ACSL1: variants seen among roughly 807,000 people sequenced by gnomAD.
The protein encoded by ACSL1 is acyl-CoA synthetase long chain family member 1.
ACSL1 carries 41 observed loss-of-function variants against 98.4 expected under a neutral mutation model. That is an observed-to-expected ratio of 0.42 (90% CI 0.32 to 0.54). The LOEUF is 0.54. Ranked by LOEUF, ACSL1 falls within the 20% of genes least tolerant of loss-of-function variation. The probability of loss-of-function intolerance (pLI) is 0.13; values close to 1 mark genes in which losing one functional copy is unlikely to be tolerated. For synonymous variants in ACSL1, 316 were observed against 322.7 expected, an observed-to-expected ratio of 0.98 and a Z score of 0.22; for missense variants, 734 against 883.1, an observed-to-expected ratio of 0.83 and a Z score of 2.14.
At chr4:184,767,977 G>T in intron 12 of ACSL1, 1 of 401,278 alleles carries the variant, frequency 2.5e-6, no homozygotes, top group Non-Finnish European at 4.4e-6. Context: ...AGCAACTTTT[G>T]GAGACAAACA....
chr4:184,818,944 C>G (rs1463483319), intron 1 of ACSL1, among the ~76,000 whole-genome samples: 2 of 152,056 alleles, frequency 1.3e-5, no homozygotes, highest in Non-Finnish European at 2.9e-5. Flanking sequence ...AGCAGCTATT[C>G]TCTAGCCAGG....
intron 7 of ACSL1, among the ~76,000 whole-genome samples, chr4:184,774,418 C>T (rs1285433041): frequency 2.0e-5 from 3 of 152,084 alleles, no homozygotes; most frequent in Admixed American, 6.5e-5. Context: ...TATCTCCCCT[C>T]GTAGAGTGGA....
chr4:184,816,121 A>G (rs376249041), intron 1 of ACSL1, among the ~76,000 whole-genome samples: 3 of 145,898 alleles, frequency 2.1e-5, no homozygotes, highest in African/African-American at 7.5e-5. Context: ...CATCCAAAAG[A>G]AAAAAAAAAA....
intron 1 of ACSL1, among the ~76,000 whole-genome samples, chr4:184,816,297 G>A (rs904318201): frequency 6.6e-6 from 1 of 152,132 alleles, no homozygotes; most frequent in South Asian, 2.1e-4. Flanking sequence ...TAGGGAAAAG[G>A]TTAACCAGGA....
At chr4:184,815,249 C>A (rs1772520390) in intron 1 of ACSL1, among the ~76,000 whole-genome samples, 1 of 152,198 alleles carries the variant, frequency 6.6e-6, no homozygotes, top group Non-Finnish European at 1.5e-5. Flanking sequence ...ACACCAGCAA[C>A]AGCCAGACAG....
chr4:184,794,659 T>C (rs1769028518), intron 2 of ACSL1, among the ~76,000 whole-genome samples: 1 of 152,192 alleles, frequency 6.6e-6, no homozygotes, highest in African/African-American at 2.4e-5. Flanking sequence ...CACCACATAG[T>C]GGAGCAGAGC....
At chr4:184,769,167 G>A (rs370586770) in intron 11 of ACSL1, among the ~76,000 whole-genome samples, 7 of 151,902 alleles carry the variant, frequency 4.6e-5, no homozygotes, top group African/African-American at 1.7e-4. Flanking sequence ...GTCCAAGTTT[G>A]TTAAAGTCTC....
intron 1 of ACSL1, among the ~76,000 whole-genome samples, chr4:184,812,857 A>G (rs1158800627): frequency 6.6e-6 from 1 of 152,164 alleles, no homozygotes; most frequent in East Asian, 1.9e-4. Flanking sequence ...GTTTTCTATG[A>G]CAGAAAAGAG....
chr4:184,759,191 T>C (rs962369035), intron 18 of ACSL1, among the ~76,000 whole-genome samples: 1 of 152,172 alleles, frequency 6.6e-6, no homozygotes, highest in Non-Finnish European at 1.5e-5. Flanking sequence ...CTATTGTGAA[T>C]AGTGCTGCAA....
intron 2 of ACSL1, among the ~76,000 whole-genome samples, chr4:184,793,919 G>C (rs1418348520): frequency 6.6e-6 from 1 of 152,130 alleles, no homozygotes; most frequent in Non-Finnish European, 1.5e-5. Context: ...AAATGGCATA[G>C]TATTTGCATA....
intron 1 of ACSL1, among the ~76,000 whole-genome samples, chr4:184,810,443 T>C (rs1279696454): frequency 7.9e-5 from 12 of 152,194 alleles, no homozygotes; most frequent in Admixed American, 7.9e-4. Context: ...AATCTTATAT[T>C]GGGCTTGGAA....
chr4:184,769,070 AATATAT>A (rs34360556), intron 11 of ACSL1, among the ~76,000 whole-genome samples: 39,330 of 147,372 alleles, frequency 0.27, 5,752 homozygotes, highest in Non-Finnish European at 0.34. Context: ...CTCTGTCTCA[AATATAT>A]ATATATATAT....
intron 18 of ACSL1, chr4:184,758,648 A>C (rs1005594655): frequency 3.3e-5 from 5 of 152,246 alleles, no homozygotes; most frequent in Non-Finnish European, 7.3e-5. Flanking sequence ...AAAATTAAAA[A>C]TCAAAAGAAT....
chr4:184,790,085 A>T lies in ACSL1; in HGVS notation c.196-1354T>A, dbSNP rs557473791. ...AAGAAGTGTGGAAAAGCTAGGTCTC[A>T]GAGTAGGGCGGCAGGCTGAGGAGGG... is the stretch of plus-strand genomic sequence containing the variant. On this transcript the variant is annotated intron_variant, in intron 2 of 20. Coordinates refer to ENST00000281455, the MANE Select transcript of ACSL1 (RefSeq NM_001995.5). Among the ~76,000 whole-genome samples, 12 of 152,276 alleles carry T rather than the reference A, an allele frequency of 7.9e-5. No homozygotes were observed. The South Asian group carries it at 2.3e-3, about 29-fold the overall frequency.
upstream of ACSL1, chr4:184,826,073 G>C (rs1040409455): frequency 2.0e-5 from 3 of 147,214 alleles, no homozygotes; most frequent in African/African-American, 7.3e-5. Context: ...GATGCTGCTG[G>C]TGCGCTCGCC....
At chr4:184,783,036 G>C (rs935282830) in intron 4 of ACSL1, among the ~76,000 whole-genome samples, 4 of 152,182 alleles carry the variant, frequency 2.6e-5, no homozygotes, top group African/African-American at 7.2e-5. Context: ...GCAGGAGAAG[G>C]GGGGCCAGGG....
chr4:184,793,642 G>A (rs1346517646), intron 2 of ACSL1, among the ~76,000 whole-genome samples: 10 of 152,142 alleles, frequency 6.6e-5, no homozygotes, highest in Non-Finnish European at 1.3e-4. Context: ...GGAGGTGGAC[G>A]CAGGGCGAAA....
intron 1 of ACSL1, chr4:184,808,546 C>T (rs974398879): frequency 4.1e-6 from 4 of 973,424 alleles, no homozygotes; most frequent in African/African-American, 1.8e-5. Context: ...TTCCGTGCCC[C>T]GCCTCCTCCC....
rs1044692266 is a variant in ACSL1 at position 184,755,712 on chromosome 4, T to C, written c.*1413A>G. The C allele has an allele frequency of 1.3e-5, 2 of 152,684 alleles. No homozygotes were observed. The highest frequency in any genetic ancestry group is 6.5e-5 in the Admixed American group (1 of 15,288). 9.5% of individuals were successfully genotyped at this position (152,684 alleles called of 1,614,324 possible). A position where few individuals can be genotyped will look rare whatever the true frequency, so the allele number is the denominator to read the frequency against. ...AAAGCAAACATTCAAAACCCCAAGG[T>C]GACAAATTATTGACTTTTTGTGCAA... On this transcript the variant is annotated 3_prime_UTR_variant, in exon 21 of 21. Transcript: ENST00000281455.
Sources: allele counts gnomAD v4.1 joint callset (sites outside exome capture counted in the v4.1 genomes callset), GRCh38; gene constraint gnomAD v4.1.1; transcripts MANE v1.5; gene names NCBI Gene and HGNC (gene_info 2026-07-23, HGNC 2026-07-21).